The following PCDHGB3 variants were observed in gnomAD, a reference collection of about 807,000 sequenced individuals.
PCDHGB3 encodes protocadherin gamma-B3.
PCDHGB3 carries 40 observed loss-of-function variants against 59.2 expected under a neutral mutation model. The observed-to-expected ratio is 0.68, with a 90% CI of 0.52 to 0.88. The LOEUF (loss-of-function observed/expected upper bound fraction) is 0.88, where lower values mean the gene tolerates loss of function less well. Among genes scored for constraint, PCDHGB3 ranks in the 40% least tolerant of loss-of-function variants. The pLI is 0.00. For synonymous variants in PCDHGB3, 581 were observed against 503.6 expected (o/e 1.15, Z -2.06); for missense variants, 1,309 against 1,187.9 (o/e 1.10, Z -1.50).
intron 1 of PCDHGB3, chr5:141,383,627 C>G: frequency 1.2e-6 from 2 of 1,613,952 alleles, no homozygotes; most frequent in South Asian, 1.1e-5. Context: ...CCTGTCTTCT[C>G]TCTGCCTCAG....
At chr5:141,456,723 G>A (rs1005891499) in intron 1 of PCDHGB3, among the ~76,000 whole-genome samples, 3 of 152,196 alleles carry the variant, frequency 2.0e-5, no homozygotes, top group Admixed American at 6.5e-5. Flanking sequence ...CCAGCACTTT[G>A]GGAGGCTGAG....
chr5:141,426,542 T>C, intron 1 of PCDHGB3: 1 of 347,918 alleles, frequency 2.9e-6, no homozygotes, highest in South Asian at 2.2e-5. Context: ...AACATACTTG[T>C]GAGTGACAGA....
At chr5:141,429,770 A>T (rs2097244120) in intron 1 of PCDHGB3, among the ~76,000 whole-genome samples, 1 of 152,122 alleles carries the variant, frequency 6.6e-6, no homozygotes, top group Admixed American at 6.6e-5. Context: ...CTATATTTTG[A>T]TGGGCTTCCA....
At chr5:141,389,813 C>T (rs575968401) in intron 1 of PCDHGB3, 18 of 1,613,844 alleles carry the variant, frequency 1.1e-5, no homozygotes, top group South Asian at 2.2e-5. Flanking sequence ...TTCTGGTCGC[C>T]GTGCGTGACG....
At chr5:141,422,965 C>T (rs2096693602) in intron 1 of PCDHGB3, 2 of 1,614,116 alleles carry the variant, frequency 1.2e-6, no homozygotes, top group African/African-American at 2.7e-5. Context: ...GGAGCTGGCG[C>T]CCCGCTCTGC....
chr5:141,490,061 A>G lies in PCDHGB3; in HGVS notation c.2416-4746A>G, dbSNP rs1562135413. On this transcript the variant is annotated intron_variant, in intron 1 of 3. Transcript: ENST00000576222. This position sits in a 1 kb window ranked among gnomAD's most constrained non-coding sequence, Gnocchi z 5.4. Reference sequence around the variant, plus strand: ...GCCACTGATCCAGACGAGGGCACCAACGGCCAACTAGACTATTCTTTTGGA... The same window carrying G: ...GCCACTGATCCAGACGAGGGCACCAGCGGCCAACTAGACTATTCTTTTGGA... 1.2e-6 allele frequency: 2 copies of G among 1,614,214 alleles called. No individual in the cohort carries two copies. Among genetic ancestry groups the G allele is most frequent in the East Asian group, 2.2e-5 (1 of 44,884 alleles).
intron 2 of PCDHGB3, among the ~76,000 whole-genome samples, chr5:141,499,675 T>A (rs1426498530): frequency 2.0e-5 from 3 of 150,746 alleles, no homozygotes; most frequent in African/African-American, 7.3e-5. Flanking sequence ...GTCTCCACCA[T>A]CTTTAACAGA....
chr5:141,430,033 C>T (rs556099456), intron 1 of PCDHGB3, among the ~76,000 whole-genome samples: 1 of 152,066 alleles, frequency 6.6e-6, no homozygotes, highest in Non-Finnish European at 1.5e-5. Context: ...AAGTGTGATT[C>T]TGATAATGTA....
chr5:141,441,179 C>G (rs150511376), intron 1 of PCDHGB3: 13 of 152,210 alleles, frequency 8.5e-5, no homozygotes, highest in South Asian at 2.1e-4. Context: ...ACTTCTAATT[C>G]CACAATGATT....
chr5:141,377,448 G>A (rs976885039), intron 1 of PCDHGB3: 1 of 151,974 alleles, frequency 6.6e-6, no homozygotes, highest in Non-Finnish European at 1.5e-5. Flanking sequence ...AGAAAAAAAA[G>A]TAGCCAGATG....
In PCDHGB3 at chr5:141,491,832, C is replaced by A; in HGVS notation, c.2416-2975C>A. On this transcript the variant is annotated intron_variant, in intron 1 of 3. Coordinates refer to ENST00000576222, the MANE Select transcript of PCDHGB3 (RefSeq NM_018924.5). The surrounding 1 kb of genome is among the most constrained non-coding windows in gnomAD (Gnocchi z 6.9). ...GTCGCTGGCTGCGCTCCACCCGATT[C>A]TCGGGATCATTGGACCGTTTGCGCG... 6.8e-7 allele frequency: 1 copy of A among 1,474,424 alleles called. No individual in the cohort carries two copies. 91.3% of individuals were successfully genotyped at this position (1,474,424 alleles called of 1,614,324 possible).
intron 1 of PCDHGB3, among the ~76,000 whole-genome samples, chr5:141,438,619 TATATATATATATATATAC>T (rs1380852637): frequency 0.021 from 829 of 39,644 alleles, 15 homozygotes; most frequent in East Asian, 0.054. Context: ...TATATATATA[TATATATATATATATATAC>T]ACACACACAC....
intron 2 of PCDHGB3, among the ~76,000 whole-genome samples, chr5:141,503,292 A>G (rs7710319): frequency 6.6e-6 from 1 of 151,928 alleles, no homozygotes; most frequent in African/African-American, 2.4e-5. Flanking sequence ...TGGTACATAG[A>G]AATTGCTCAA....
intron 1 of PCDHGB3, chr5:141,423,923 G>C: frequency 8.0e-7 from 1 of 1,254,744 alleles, no homozygotes; most frequent in Non-Finnish European, 1.0e-6. Flanking sequence ...CAACTATGCT[G>C]GTTTGGTTTG....
chr5:141,400,302 T>C (rs7701363), intron 1 of PCDHGB3: 17,655 of 1,614,082 alleles, frequency 0.011, 144 homozygotes, highest in Admixed American at 0.034. Flanking sequence ...GCTTCCAACC[T>C]GGTCTCTGTG....
chr5:141,494,237 G>A (rs555725765), intron 1 of PCDHGB3, among the ~76,000 whole-genome samples: 3 of 152,312 alleles, frequency 2.0e-5, no homozygotes, highest in East Asian at 3.9e-4. Flanking sequence ...AATTAATAAT[G>A]TATTTAGCTG....
chr5:141,411,924 C>G lies in PCDHGB3; in HGVS notation c.2415+39115C>G, dbSNP rs116336964. ...TTGCCTTTGCACTCAGTCTCTGTCTCTGATTCTCTGATAGAAGATTTTTGA... is the reference window on the plus strand; with the variant it reads ...TTGCCTTTGCACTCAGTCTCTGTCTGTGATTCTCTGATAGAAGATTTTTGA... On this transcript the variant is annotated intron_variant, in intron 1 of 3. Coordinates refer to ENST00000576222, the MANE Select transcript of PCDHGB3 (RefSeq NM_018924.5). The G allele has an allele frequency of 5.8e-4, 88 of 152,306 alleles. 1 individual carries two copies. Among genetic ancestry groups the G allele is most frequent in the African/African-American group, 2.0e-3 (83 of 41,556 alleles). 9.4% of individuals were successfully genotyped at this position (152,306 alleles called of 1,614,324 possible). A position where few individuals can be genotyped will look rare whatever the true frequency, so the allele number is the denominator to read the frequency against.
chr5:141,403,992 T>G, intron 1 of PCDHGB3: 2 of 1,613,848 alleles, frequency 1.2e-6, no homozygotes, highest in South Asian at 2.2e-5. Flanking sequence ...AGACCTGAAG[T>G]GACCATTACA....
At chr5:141,421,271 T>G in intron 1 of PCDHGB3, 1 of 1,612,330 alleles carries the variant, frequency 6.2e-7, no homozygotes, top group Non-Finnish European at 8.5e-7. Context: ...CGGCTGCTGC[T>G]GCTGCTGTGC....
Sources: gnomAD v4.1 joint callset for allele counts (sites outside exome capture counted in the v4.1 genomes callset) on GRCh38, gnomAD v4.1.1 for gene constraint, Gnocchi (gnomAD v3.1) non-coding constraint, MANE v1.5 for transcripts, NCBI Gene and HGNC (gene_info 2026-07-23, HGNC 2026-07-21) for gene names.